Variants in PTPRR observed in about 807,000 individuals in gnomAD.
PTPRR encodes the protein receptor-type tyrosine-protein phosphatase R.
A neutral mutation model predicts 77.2 loss-of-function variants in PTPRR; 38 were observed. That is an observed-to-expected ratio of 0.49 (90% CI 0.38 to 0.65). The LOEUF (loss-of-function observed/expected upper bound fraction) is 0.65. PTPRR is among the 30% of genes least tolerant of loss of function. The pLI is 0.00. For synonymous variants in PTPRR, 299 were observed against 283.1 expected (o/e 1.06, Z -0.57); for missense variants, 744 against 799.2 (o/e 0.93, Z 0.83).
chr12:70,917,089 A>T (rs1411705490), intron 1 of PTPRR, among the ~76,000 whole-genome samples: 1 of 152,210 alleles, frequency 6.6e-6, no homozygotes. Context: ...GCTTCTTTGG[A>T]CAAAGGAAGA....
At chr12:70,913,604 A>T (rs1357874760) in intron 1 of PTPRR, among the ~76,000 whole-genome samples, 1 of 152,164 alleles carries the variant, frequency 6.6e-6, no homozygotes, top group African/African-American at 2.4e-5. Context: ...ATGTCTATCC[A>T]TCTAGAAAGA....
chr12:70,728,204 T>A (rs2086083598), intron 6 of PTPRR, among the ~76,000 whole-genome samples: 1 of 111,574 alleles, frequency 9.0e-6, no homozygotes, highest in South Asian at 3.0e-4. Flanking sequence ...GATTTTGGAT[T>A]TTTTTTTTTT....
chr12:70,892,121 TAATA>T (rs2137116705), intron 2 of PTPRR, among the ~76,000 whole-genome samples: 1 of 152,198 alleles, frequency 6.6e-6, no homozygotes, highest in East Asian at 1.9e-4. Context: ...TCACTTTTAT[TAATA>T]AAGAATGGTT....
chr12:70,893,011 G>T, intron 1 of PTPRR, 34 bp from the exon 2 acceptor site: 1 of 1,595,294 alleles, frequency 6.3e-7, no homozygotes, highest in Non-Finnish European at 8.6e-7. Context: ...CAATATCAAA[G>T]ACCCTATTCA....
At chr12:70,839,300 T>C (rs1432413724) in intron 2 of PTPRR, among the ~76,000 whole-genome samples, 2 of 147,322 alleles carry the variant, frequency 1.4e-5, no homozygotes, top group Non-Finnish European at 3.0e-5. Context: ...GTCATTTTTT[T>C]CCTCTTTATT....
At chr12:70,755,740 A>T (rs564064401) in intron 4 of PTPRR, among the ~76,000 whole-genome samples, 2 of 136,026 alleles carry the variant, frequency 1.5e-5, no homozygotes, top group Non-Finnish European at 3.2e-5. Context: ...TGATAAATCG[A>T]TGGAGAATCT....
chr12:70,881,981 T>G (rs1480462589), intron 2 of PTPRR, among the ~76,000 whole-genome samples: 1 of 152,226 alleles, frequency 6.6e-6, no homozygotes, highest in Non-Finnish European at 1.5e-5. Context: ...GGGTGTTTAT[T>G]GTGACACTAT....
chr12:70,867,777 C>T (rs1024279303), intron 2 of PTPRR, among the ~76,000 whole-genome samples: 1 of 152,208 alleles, frequency 6.6e-6, no homozygotes, highest in African/African-American at 2.4e-5. Flanking sequence ...CGCTACCTGA[C>T]TTCAAACTAT....
chr12:70,689,623 A>T, intron 8 of PTPRR, among the ~76,000 whole-genome samples: 1 of 152,168 alleles, frequency 6.6e-6, no homozygotes, highest in Non-Finnish European at 1.5e-5. Flanking sequence ...ACAAAATAAC[A>T]AACAAGGAGG....
intron 13 of PTPRR, among the ~76,000 whole-genome samples, chr12:70,656,112 G>C (rs1033098651): frequency 2.0e-5 from 3 of 152,128 alleles, no homozygotes; most frequent in African/African-American, 7.2e-5. Flanking sequence ...CAGCTACTTG[G>C]GGGGATGAGG....
chr12:70,790,836 C>T (rs908264844), intron 2 of PTPRR, among the ~76,000 whole-genome samples: 5 of 152,044 alleles, frequency 3.3e-5, no homozygotes, highest in African/African-American at 1.2e-4. Context: ...AAGGAGACTC[C>T]ATCTCAAAAA....
chr12:70,871,066 C>T (rs1892950406), intron 2 of PTPRR, among the ~76,000 whole-genome samples: 1 of 152,250 alleles, frequency 6.6e-6, no homozygotes, highest in South Asian at 2.1e-4. Context: ...GGAAGGAAGG[C>T]CAATGAGTAA....
intron 13 of PTPRR, among the ~76,000 whole-genome samples, chr12:70,646,967 C>T (rs1209864295): frequency 6.6e-6 from 1 of 151,686 alleles, no homozygotes; most frequent in Admixed American, 6.6e-5. Context: ...AAAAGAAAAT[C>T]ATCGAACTGA....
chr12:70,741,450 G>A (rs1392917608), intron 6 of PTPRR, among the ~76,000 whole-genome samples: 2 of 152,186 alleles, frequency 1.3e-5, no homozygotes, highest in Non-Finnish European at 2.9e-5. Context: ...GCTTCCAAGA[G>A]GAAGTGATGC....
intron 1 of PTPRR, among the ~76,000 whole-genome samples, chr12:70,894,881 A>G (rs1893400149): frequency 6.6e-6 from 1 of 151,746 alleles, no homozygotes; most frequent in South Asian, 2.1e-4. Context: ...TTGTTTTAAA[A>G]AAGTTATGGT....
chr12:70,786,278 C>T (rs1891320036), intron 2 of PTPRR, among the ~76,000 whole-genome samples: 1 of 152,172 alleles, frequency 6.6e-6, no homozygotes, highest in Admixed American at 6.5e-5. Flanking sequence ...ACCATGATTA[C>T]TTCGAAGAGG....
chr12:70,876,052 G>T (rs1255728906), intron 2 of PTPRR, among the ~76,000 whole-genome samples: 1 of 152,116 alleles, frequency 6.6e-6, no homozygotes, highest in East Asian at 1.9e-4. Flanking sequence ...GCACCTTTAT[G>T]CACATTGCTG....
chr12:70,893,073 T>C (rs1456428232), intron 1 of PTPRR, 96 bp from the exon 2 acceptor site: 2 of 1,327,938 alleles, frequency 1.5e-6, no homozygotes, highest in Non-Finnish European at 2.1e-6. Flanking sequence ...CTTGAGAGGC[T>C]TTAAGACTTG....
chr12:70,855,588 A>T (rs900671416), intron 2 of PTPRR, among the ~76,000 whole-genome samples: 1 of 152,200 alleles, frequency 6.6e-6, no homozygotes, highest in African/African-American at 2.4e-5. Flanking sequence ...CAGCTCCAGG[A>T]TCACCACACA....
Sources: gnomAD v4.1 joint callset for allele counts (sites outside exome capture counted in the v4.1 genomes callset) on GRCh38, gnomAD v4.1.1 for gene constraint, MANE v1.5 for transcripts, NCBI Gene and HGNC (gene_info 2026-07-23, HGNC 2026-07-21) for gene names.